Variants in RNF6 observed in about 807,000 individuals in gnomAD.
The protein encoded by RNF6 is E3 ubiquitin-protein ligase RNF6.
RNF6 carries 21 observed loss-of-function variants against 50.1 expected under a neutral mutation model. The ratio of observed to expected loss-of-function variants is 0.42; its 90% CI spans 0.30 to 0.60. The LOEUF (loss-of-function observed/expected upper bound fraction) is 0.60, where lower values mean the gene tolerates loss of function less well. Among genes scored for constraint, RNF6 ranks in the 20% least tolerant of loss-of-function variants. The probability of loss-of-function intolerance (pLI) is 0.20; values close to 1 mark genes in which losing one functional copy is unlikely to be tolerated. For synonymous variants in RNF6, 255 were observed against 291.8 expected (o/e 0.87, Z 1.29); for missense variants, 698 against 838.2 (o/e 0.83, Z 2.07).
intron 5 of RNF6, among the ~76,000 whole-genome samples, chr13:26,187,750 GTC>G (rs1186755721): frequency 6.6e-6 from 1 of 152,182 alleles, no homozygotes; most frequent in Non-Finnish European, 1.5e-5. Flanking sequence ...TTTTAAGACA[GTC>G]TCTATCTGTT....
At chr13:26,208,945 G>A (rs1230451552), downstream of RNF6, among the ~76,000 whole-genome samples, 2 of 152,172 alleles carry the variant, frequency 1.3e-5, no homozygotes, top group African/African-American at 4.8e-5. Flanking sequence ...AGATCCTCTT[G>A]ACAAAATGCT....
intron 3 of RNF6, among the ~76,000 whole-genome samples, chr13:26,218,907 A>C (rs1359271757): frequency 1.3e-5 from 2 of 152,202 alleles, no homozygotes; most frequent in African/African-American, 4.8e-5. Context: ...GATTTTTGTC[A>C]GTTAAAAAGA....
At chr13:26,218,469 C>T in intron 4 of RNF6, 42 bp downstream of exon 4, 1 of 1,468,414 alleles carries the variant, frequency 6.8e-7, no homozygotes, top group Non-Finnish European at 9.5e-7. Flanking sequence ...TCTGCAAGTG[C>T]TCCAATCAAG....
In RNF6 at chr13:26,215,108, G is replaced by A. The variant is rs771231572; in HGVS notation, c.774C>T (p.His258=). 30 of 1,614,098 alleles carry A rather than the reference G, an allele frequency of 1.9e-5. No homozygotes were observed. In the South Asian group the frequency reaches 3.3e-4, roughly 18 times the overall value. ...ANASRTNFSS[H]TNQSGGSELR... is the part of the protein sequence containing the mutation. ...GTTCACTACCACCTGATTGGTTTGT[G>A]TGACTACTGAAATTAGTGCGTGAAG... Residue 258 remains histidine, a synonymous_variant, in exon 5 of 5, where the codon CAC becomes CAT. Transcript: ENST00000381588.
intron 5 of RNF6, among the ~76,000 whole-genome samples, chr13:26,172,838 C>T (rs1228212140): frequency 6.6e-5 from 10 of 152,098 alleles, no homozygotes; most frequent in Middle Eastern, 3.4e-3. Flanking sequence ...CCACCGCACC[C>T]GGCCTAGAAT....
At chr13:26,134,362 C>T (rs1160989113) in intron 5 of RNF6, among the ~76,000 whole-genome samples, 2 of 152,236 alleles carry the variant, frequency 1.3e-5, no homozygotes, top group Non-Finnish European at 2.9e-5. Flanking sequence ...CCTTTGCCGG[C>T]ATGGGTGAGC....
At chr13:26,135,528 CA>C (rs1374367189) in intron 5 of RNF6, 3 of 152,144 alleles carry the variant, frequency 2.0e-5, no homozygotes, top group Non-Finnish European at 4.4e-5. Flanking sequence ...CTTTATCTGC[CA>C]TATCTTTAGA....
At chr13:26,146,697 T>G (rs749617622) in intron 5 of RNF6, among the ~76,000 whole-genome samples, 2 of 152,216 alleles carry the variant, frequency 1.3e-5, no homozygotes, top group Non-Finnish European at 2.9e-5. Flanking sequence ...CATCTATGTT[T>G]CAGCCAACCA....
chr13:26,147,603 A>C (rs1018022013), intron 5 of RNF6, among the ~76,000 whole-genome samples: 3 of 152,180 alleles, frequency 2.0e-5, no homozygotes, highest in African/African-American at 4.8e-5. Context: ...CAGCTTCATC[A>C]GGGTCTTCCC....
intron 5 of RNF6, among the ~76,000 whole-genome samples, chr13:26,187,459 C>T (rs528325071): frequency 6.6e-6 from 1 of 152,170 alleles, no homozygotes; most frequent in Non-Finnish European, 1.5e-5. Context: ...GAATTTCTGA[C>T]TCCTCTGGGC....
chr13:26,166,731 G>C (rs111809400), intron 5 of RNF6, among the ~76,000 whole-genome samples: 7,087 of 152,162 alleles, frequency 0.047, 169 homozygotes, highest in African/African-American at 0.063. Context: ...ACCAACCTGG[G>C]CAACAAGGTG....
chr13:26,183,998 A>ATATATATT (rs1352915912), intron 5 of RNF6, among the ~76,000 whole-genome samples: 77 of 21,538 alleles, frequency 3.6e-3, no homozygotes, highest in African/African-American at 0.015. Flanking sequence ...TAAAATATAT[A>ATATATATT]TATATATATA....
At chr13:26,195,432 G>C (rs560000614) in intron 5 of RNF6, among the ~76,000 whole-genome samples, 25 of 152,096 alleles carry the variant, frequency 1.6e-4, no homozygotes, top group Middle Eastern at 3.4e-3. Flanking sequence ...CATATAATAG[G>C]AATTCCAGAA....
At chr13:26,167,677 T>C (rs1342476868) in intron 5 of RNF6, among the ~76,000 whole-genome samples, 1 of 152,206 alleles carries the variant, frequency 6.6e-6, no homozygotes, top group Admixed American at 6.5e-5. Flanking sequence ...AACTACTATT[T>C]GACCCAGCGA....
At chr13:26,152,545 G>A (rs1871676340) in intron 5 of RNF6, among the ~76,000 whole-genome samples, 1 of 152,148 alleles carries the variant, frequency 6.6e-6, no homozygotes, top group Non-Finnish European at 1.5e-5. Context: ...GGGGCAGGCA[G>A]CATGTCTAAT....
At position 26,148,631 on chromosome 13, in the gene RNF6, T is replaced by TC. The variant is rs1566408223; in HGVS notation, n.769-16181_769-16180insG. On this transcript the variant is annotated intron_variant and non_coding_transcript_variant, in intron 5 of 5. Coordinates refer to the RNF6 transcript ENST00000468480. ...AAATAGAAACAATAGTATAAATCTC[T>TC]TTATATATATATATATATATATATA... 1.1e-3 allele frequency among the ~76,000 whole-genome samples: 82 copies of TC among 77,804 alleles called. 1 individual carries two copies. The highest frequency in any genetic ancestry group is 4.0e-3 in the African/African-American group (82 of 20,492). The allele number at this position is 77,804 out of a possible 152,430, so 51.0% of individuals were successfully genotyped here. A position where few individuals can be genotyped will look rare whatever the true frequency, so the allele number is the denominator to read the frequency against.
Position 26,214,308 on chromosome 13 carries a change from G to C in RNF6, c.1574C>G (p.Thr525Arg). Residue 525 changes from threonine (T) to arginine (R), a missense_variant, in exon 5 of 5, where the codon ACA (threonine) becomes AGA (arginine). Thr to Arg is a moderately conservative substitution (Grantham distance 71). Transcript: ENST00000381588. ...DMHSELSNLG[T>R]DNNRSQHREG... is the part of the protein sequence containing the mutation. Reference sequence around the variant, plus strand: ...CCTGTGCTGGCTCCTGTTGTTATCTGTACCTAAGTTACTCAGTTCTGAGTG... The same window carrying C: ...CCTGTGCTGGCTCCTGTTGTTATCTCTACCTAAGTTACTCAGTTCTGAGTG... 1 of 1,614,084 alleles carries C rather than the reference G, an allele frequency of 6.2e-7. No individual in the cohort carries two copies.
intron 5 of RNF6, among the ~76,000 whole-genome samples, chr13:26,174,287 G>A (rs940042576): frequency 1.3e-5 from 2 of 152,172 alleles, no homozygotes; most frequent in African/African-American, 2.4e-5. Flanking sequence ...AGCAAGCCAG[G>A]ACTTTTAGAA....
intron 5 of RNF6, among the ~76,000 whole-genome samples, chr13:26,206,837 T>C (rs1328485934): frequency 6.6e-6 from 1 of 151,930 alleles, no homozygotes; most frequent in Non-Finnish European, 1.5e-5. Context: ...AAGAAGCACA[T>C]AGATGGGGAA....
Sources: allele counts gnomAD v4.1 joint callset (sites outside exome capture counted in the v4.1 genomes callset), GRCh38; gene constraint gnomAD v4.1.1; transcripts MANE v1.5; gene names NCBI Gene and HGNC (gene_info 2026-07-23, HGNC 2026-07-21).